The following CEP290 variants were observed in gnomAD, a reference collection of about 807,000 sequenced individuals.
CEP290 encodes centrosomal protein of 290 kDa.
A neutral mutation model predicts 344.9 loss-of-function variants in CEP290; 317 were observed. The observed-to-expected ratio is 0.92, with a 90% CI of 0.84 to 1.01. The LOEUF is 1.01. CEP290 is among the 50% of genes least tolerant of loss of function. The pLI, the probability that CEP290 is intolerant of heterozygous loss-of-function variation, is 0.00. For missense variants in CEP290, 2,754 were observed against 2,761.4 expected (o/e 1.00, Z 0.06); for synonymous variants, 932 against 895.8 (o/e 1.04, Z -0.72).
intron 6 of CEP290, among the ~76,000 whole-genome samples, chr12:88,134,344 T>C (rs1422908676): frequency 6.6e-6 from 1 of 152,216 alleles, no homozygotes; most frequent in Non-Finnish European, 1.5e-5. Flanking sequence ...CTCAGGCAAA[T>C]GCCATCATTA....
intron 12 of CEP290, among the ~76,000 whole-genome samples, chr12:88,125,612 TC>T (rs2039684088): frequency 6.6e-6 from 1 of 151,996 alleles, no homozygotes; most frequent in African/African-American, 2.4e-5. Flanking sequence ...TTTCCAGAAC[TC>T]CCTAATGTTT....
rs1331263277 is a variant in CEP290 at position 88,120,176 on chromosome 12, T to C, written c.1460A>G (p.Asn487Ser). Residue 487 changes from asparagine to serine, a missense_variant, in exon 15 of 54, where the codon AAT (asparagine) becomes AGT (serine). Coordinates refer to ENST00000552810, the MANE Select transcript of CEP290 (RefSeq NM_025114.4). The part of the protein sequence containing the change: ...REIEILTKEI[N>S]KLELKISDFL... ...ATCACTGATCTTCAATTCAAGTTTATTGATTTCCTTTGTTAATATTTCAAT... is the reference window on the plus strand; with the variant it reads ...ATCACTGATCTTCAATTCAAGTTTACTGATTTCCTTTGTTAATATTTCAAT... 6 of 1,528,202 alleles carry C rather than the reference T, an allele frequency of 3.9e-6. No homozygotes were observed. The highest frequency in any genetic ancestry group is 2.4e-5 in the East Asian group (1 of 41,042). The allele number at this position is 1,528,202 out of a possible 1,614,324, so 94.7% of individuals were successfully genotyped here.
At chr12:88,115,855 T>C (rs1349313508) in intron 18 of CEP290, 19 of 983,152 alleles carry the variant, frequency 1.9e-5, no homozygotes, top group Non-Finnish European at 2.2e-5. Flanking sequence ...TGTGCAGTAA[T>C]AGACACAGGG....
intron 6 of CEP290, among the ~76,000 whole-genome samples, chr12:88,132,727 T>G (rs900834988): frequency 6.6e-6 from 1 of 152,160 alleles, no homozygotes; most frequent in African/African-American, 2.4e-5. Context: ...TTATTGTTTT[T>G]CTTTTTCCCA....
At chr12:88,113,167 A>G (rs1227591629) in intron 20 of CEP290, among the ~76,000 whole-genome samples, 1 of 152,114 alleles carries the variant, frequency 6.6e-6, no homozygotes, top group Non-Finnish European at 1.5e-5. Context: ...AGGTCCAGAG[A>G]TTGTCAACAT....
At chr12:88,135,889 G>T (rs894240676) in intron 6 of CEP290, 1 of 151,884 alleles carries the variant, frequency 6.6e-6, no homozygotes, top group Non-Finnish European at 1.5e-5. Flanking sequence ...AACAGTTCAG[G>T]TGAAATAAAA....
chr12:88,136,376 GCATTAATTTTAGGTAA>G (rs1383801977), intron 6 of CEP290: 4 of 371,412 alleles, frequency 1.1e-5, no homozygotes, highest in African/African-American at 8.5e-5. Context: ...CCAGACAAAA[GCATTAATTTTAGGTAA>G]CAAGTTTGAT....
At position 88,055,727 on chromosome 12, in the gene CEP290, T is replaced by C. The variant is rs150241790; in HGVS notation, c.6819-10A>G. 1.7e-5 allele frequency: 25 copies of C among 1,472,020 alleles called. No individual in the cohort carries two copies. Among genetic ancestry groups the C allele is most frequent in the Non-Finnish European group, 2.1e-5 (23 of 1,101,656 alleles). 91.2% of individuals were successfully genotyped at this position (1,472,020 alleles called of 1,614,324 possible). A position where few individuals can be genotyped will look rare whatever the true frequency, so the allele number is the denominator to read the frequency against. On this transcript the variant is annotated splice_polypyrimidine_tract_variant and intron_variant, in intron 49 of 53. Coordinates refer to ENST00000552810, the MANE Select transcript of CEP290 (RefSeq NM_025114.4). Reference sequence around the variant, plus strand: ...CTTGGTTTCATACATTCTAAAAGTATAAGGAAAAAAAGTATAGACATGGCA... The same window carrying C: ...CTTGGTTTCATACATTCTAAAAGTACAAGGAAAAAAAGTATAGACATGGCA...
chr12:88,082,354 A>G (rs2036256423), intron 37 of CEP290, among the ~76,000 whole-genome samples: 1 of 152,208 alleles, frequency 6.6e-6, no homozygotes, highest in Non-Finnish European at 1.5e-5. Context: ...TGACCTTCAT[A>G]TAACCACCCT....
chr12:88,120,349 TTTTTA>T, intron 14 of CEP290, 73 bp from the exon 15 acceptor site: 1 of 781,238 alleles, frequency 1.3e-6, no homozygotes, highest in Non-Finnish European at 1.9e-6. Flanking sequence ...CATGATTTTT[TTTTTA>T]CTAAGTCTAA....
chr12:88,093,482 A>G, intron 28 of CEP290: 3 of 298,266 alleles, frequency 1.0e-5, no homozygotes, highest in Non-Finnish European at 1.9e-5. Context: ...ATGAATAAAT[A>G]TTTGTTAAAT....
chr12:88,126,567 G>C, intron 11 of CEP290, 129 bp from the exon 12 acceptor site: 1 of 582,696 alleles, frequency 1.7e-6, no homozygotes, highest in Non-Finnish European at 2.7e-6. Flanking sequence ...AAATGAGAAA[G>C]TATGAGCAAC....
intron 6 of CEP290, among the ~76,000 whole-genome samples, chr12:88,134,421 A>G (rs1306305061): frequency 6.6e-6 from 1 of 152,134 alleles, no homozygotes; most frequent in East Asian, 1.9e-4. Flanking sequence ...ACTCTCTACA[A>G]AGTACAGTAA....
intron 13 of CEP290, among the ~76,000 whole-genome samples, chr12:88,124,510 TTTC>T (rs977165203): frequency 3.9e-5 from 6 of 152,132 alleles, no homozygotes; most frequent in Middle Eastern, 3.2e-3. Context: ...GGAATCACTA[TTTC>T]TTCTTCATGT....
chr12:88,134,557 T>C (rs2040251594), intron 6 of CEP290, among the ~76,000 whole-genome samples: 1 of 152,160 alleles, frequency 6.6e-6, no homozygotes, highest in Non-Finnish European at 1.5e-5. Flanking sequence ...TCATAAAAAA[T>C]AAAACTGGGA....
chr12:88,083,918 G>A lies in CEP290; in HGVS notation c.4741C>T (p.Leu1581Phe), dbSNP rs11831931. The A allele has an allele frequency of 1.7e-5, 27 of 1,596,772 alleles. No individual in the cohort carries two copies. In the African/African-American group the frequency reaches 3.0e-4, roughly 17 times the overall value. Residue 1581 changes from leucine (L) to phenylalanine (F), a missense_variant, in exon 36 of 54, where the codon CTT becomes TTT. Leu to Phe is a conservative substitution (Grantham distance 22). Coordinates refer to ENST00000552810, the MANE Select transcript of CEP290 (RefSeq NM_025114.4). ...TCTAATCTGTGATGAAGAATATGAA[G>A]GTCTTCCTCATGTTTCTTCACAATT... ...REIVKKHEED[L>F]HILHHRLELQ...
At chr12:88,068,738 A>G (rs1276586221) in intron 43 of CEP290, 93 bp from the exon 44 acceptor site, 1 of 1,310,024 alleles carries the variant, frequency 7.6e-7, no homozygotes, top group Non-Finnish European at 1.0e-6. Flanking sequence ...AGAAAAGTTC[A>G]GTGTGTTTAT....
chr12:88,132,168 C>T (rs2040112499), intron 6 of CEP290, among the ~76,000 whole-genome samples: 1 of 152,128 alleles, frequency 6.6e-6, no homozygotes, highest in Admixed American at 6.5e-5. Context: ...ATCTGTGATT[C>T]TTGTTTCTCT....
chr12:88,074,042 T>C (rs2035579895), intron 41 of CEP290, among the ~76,000 whole-genome samples: 1 of 152,096 alleles, frequency 6.6e-6, no homozygotes, highest in Non-Finnish European at 1.5e-5. Context: ...CTGGCCAACA[T>C]GGTGAAACCC....
Sources: allele counts gnomAD v4.1 joint callset (sites outside exome capture counted in the v4.1 genomes callset), GRCh38; gene constraint gnomAD v4.1.1; transcripts MANE v1.5; gene names NCBI Gene and HGNC (gene_info 2026-07-23, HGNC 2026-07-21).